The following CDH18 variants were observed in gnomAD, a reference collection of about 807,000 sequenced individuals.
CDH18 encodes cadherin-18.
CDH18 carries 31 observed loss-of-function variants against 67.9 expected under a neutral mutation model. The ratio of observed to expected loss-of-function variants is 0.46; its 90% CI spans 0.34 to 0.62. The LOEUF is 0.62. Ranked by LOEUF, CDH18 falls within the 20% of genes least tolerant of loss-of-function variation. The pLI is 0.01. For synonymous variants in CDH18, 362 were observed against 347.2 expected, an observed-to-expected ratio of 1.04 and a Z score of -0.48; for missense variants, 890 against 975.5, an observed-to-expected ratio of 0.91 and a Z score of 1.17.
At chr5:19,676,897 C>T (rs1016382308) in intron 5 of CDH18, among the ~76,000 whole-genome samples, 1 of 152,214 alleles carries the variant, frequency 6.6e-6, no homozygotes, top group African/African-American at 2.4e-5. Context: ...TCCAAGCATA[C>T]TTTCCTTTCT....
chr5:20,316,646 AT>A, intron 1 of CDH18, among the ~76,000 whole-genome samples: 1 of 152,016 alleles, frequency 6.6e-6, no homozygotes. Context: ...TGGAAATGAT[AT>A]GCATTTTGAC....
intron 10 of CDH18, among the ~76,000 whole-genome samples, chr5:19,516,861 A>G (rs1451485641): frequency 1.3e-5 from 2 of 151,780 alleles, no homozygotes; most frequent in Non-Finnish European, 2.9e-5. Context: ...ATTCACCACA[A>G]TTTGCTTAAC....
At chr5:20,416,709 T>C (rs1366825486) in intron 1 of CDH18, among the ~76,000 whole-genome samples, 3 of 152,064 alleles carry the variant, frequency 2.0e-5, no homozygotes, top group African/African-American at 4.8e-5. Flanking sequence ...TCATGGAACA[T>C]AGAGTCTTGA....
At chr5:19,498,050 G>A (rs2126722544) in intron 11 of CDH18, among the ~76,000 whole-genome samples, 1 of 152,240 alleles carries the variant, frequency 6.6e-6, no homozygotes, top group Non-Finnish European at 1.5e-5. Context: ...GAGTGATGTG[G>A]AGGCCCCAGG....
At chr5:20,225,426 T>TA (rs1378670056) in intron 2 of CDH18, among the ~76,000 whole-genome samples, 1 of 152,062 alleles carries the variant, frequency 6.6e-6, no homozygotes, top group Non-Finnish European at 1.5e-5. Flanking sequence ...AGAGAGTAGA[T>TA]AAAAAAAGAC....
intron 2 of CDH18, among the ~76,000 whole-genome samples, chr5:19,921,326 T>C (rs1234814497): frequency 1.3e-5 from 2 of 152,198 alleles, no homozygotes; most frequent in South Asian, 4.1e-4. Context: ...GGTCAGGAGA[T>C]TGCGACTATC....
intron 2 of CDH18, among the ~76,000 whole-genome samples, chr5:20,156,928 C>T (rs1021930331): frequency 6.6e-6 from 1 of 152,104 alleles, no homozygotes; most frequent in Non-Finnish European, 1.5e-5. Flanking sequence ...ATAGTAGTCC[C>T]CCCTTATCCA....
intron 1 of CDH18, among the ~76,000 whole-genome samples, chr5:20,487,447 A>G (rs1753272658): frequency 1.3e-5 from 2 of 150,252 alleles, no homozygotes; most frequent in Admixed American, 6.7e-5. Flanking sequence ...ATCGGGCTAC[A>G]TCAATATATT....
At chr5:20,214,410 G>A (rs1474818999) in intron 2 of CDH18, among the ~76,000 whole-genome samples, 2 of 151,996 alleles carry the variant, frequency 1.3e-5, no homozygotes, top group Non-Finnish European at 2.9e-5. Context: ...CAACAGAGCT[G>A]GAGGAATCAT....
chr5:20,373,642 TATAA>T (rs34470344), intron 1 of CDH18, among the ~76,000 whole-genome samples: 4,021 of 150,434 alleles, frequency 0.027, 119 homozygotes, highest in African/African-American at 0.067. Flanking sequence ...GAAAAATAAA[TATAA>T]ATAAATAAAT....
At chr5:19,865,728 G>A (rs1420649659) in intron 2 of CDH18, among the ~76,000 whole-genome samples, 1 of 152,186 alleles carries the variant, frequency 6.6e-6, no homozygotes, top group African/African-American at 2.4e-5. Flanking sequence ...TGAGCTGCAA[G>A]AGACTGGGGA....
At position 20,504,871 on chromosome 5, in the gene CDH18, C is replaced by T. The variant is rs150587710; in HGVS notation, c.-580+70591G>A. ...CAGGCTCTGCCTCCCAGGTTCATGC[C>T]GTTCTCCTGCCTCAGCCTCCTGAGT... On this transcript the variant is annotated intron_variant, in intron 1 of 14. Transcript: ENST00000507958. Among the ~76,000 whole-genome samples, 20 of 149,130 alleles carry T rather than the reference C, an allele frequency of 1.3e-4. No homozygotes were observed. In the East Asian group the frequency reaches 3.8e-3, roughly 28 times the overall value.
chr5:19,488,824 G>T (rs1740815511), intron 11 of CDH18, among the ~76,000 whole-genome samples: 2 of 152,222 alleles, frequency 1.3e-5, no homozygotes, highest in Admixed American at 1.3e-4. Flanking sequence ...GCTCTTTAAC[G>T]AAGGTTTATT....
intron 1 of CDH18, among the ~76,000 whole-genome samples, chr5:20,259,518 C>T (rs77408517): frequency 0.025 from 3,753 of 152,150 alleles, 163 homozygotes; most frequent in African/African-American, 0.084. Flanking sequence ...GCCTTTATGA[C>T]GATCTACTTC....
chr5:20,238,582 T>C (rs1192965902), intron 2 of CDH18, among the ~76,000 whole-genome samples: 2 of 152,134 alleles, frequency 1.3e-5, no homozygotes, highest in Non-Finnish European at 2.9e-5. Flanking sequence ...GTACAGAAAC[T>C]TGAACTCTCA....
chr5:19,478,619 G>C (rs746241832), intron 12 of CDH18: 1 of 152,280 alleles, frequency 6.6e-6, no homozygotes, highest in Admixed American at 6.5e-5. Flanking sequence ...AGCAATCCAT[G>C]TCTCACTTAT....
intron 10 of CDH18, among the ~76,000 whole-genome samples, chr5:19,505,642 C>T (rs1329094523): frequency 1.3e-5 from 2 of 152,058 alleles, no homozygotes; most frequent in Admixed American, 6.6e-5. Context: ...ATATGTTGAA[C>T]CAGCCTTGCA....
At chr5:19,832,241 C>A (rs1781125222) in intron 3 of CDH18, among the ~76,000 whole-genome samples, 1 of 151,672 alleles carries the variant, frequency 6.6e-6, no homozygotes, top group Admixed American at 6.6e-5. Flanking sequence ...GCACATGTGC[C>A]CTTTGAATCT....
In CDH18 at chr5:20,224,204, T is replaced by C. The variant is rs1215737251; in HGVS notation, c.-518+31240A>G. On this transcript the variant is annotated intron_variant, in intron 2 of 14. Transcript: ENST00000507958. ...TATAAAATTACTTTGGCAGATACTT[T>C]CCTCAGTCTTGTTTCTAGAAATATA... is the stretch of plus-strand genomic sequence containing the variant. Among the ~76,000 whole-genome samples the C allele has an allele frequency of 2.0e-5, 3 of 152,286 alleles. No individual in the cohort carries two copies. In the East Asian group the frequency reaches 5.8e-4, roughly 29 times the overall value.
Sources: gnomAD v4.1 joint callset for allele counts (sites outside exome capture counted in the v4.1 genomes callset) on GRCh38, gnomAD v4.1.1 for gene constraint, MANE v1.5 for transcripts, NCBI Gene and HGNC (gene_info 2026-07-23, HGNC 2026-07-21) for gene names.